Variants in FCRL3 observed in about 807,000 individuals in gnomAD.
FCRL3 encodes the protein Fc receptor like 3, also known as Fc receptor-like protein 3.
A neutral mutation model predicts 75.0 loss-of-function variants in FCRL3; 89 were observed. That is an observed-to-expected ratio of 1.19 (90% confidence interval 1.00 to 1.42). FCRL3 has a LOEUF of 1.42. FCRL3 is among the 40% of genes most tolerant of loss of function. The pLI is 0.00. For missense variants in FCRL3, 946 were observed against 880.0 expected, an observed-to-expected ratio of 1.07 and a Z score of -0.95; for synonymous variants, 376 against 348.5, an observed-to-expected ratio of 1.08 and a Z score of -0.88.
intron 3 of FCRL3, among the ~76,000 whole-genome samples, chr1:157,698,840 T>C (rs1226093967): frequency 6.6e-6 from 1 of 152,204 alleles, no homozygotes; most frequent in Non-Finnish European, 1.5e-5. Flanking sequence ...AAGGGTATTA[T>C]AGGGGAGAGG....
In FCRL3 at chr1:157,676,774, A is replaced by G. The variant is rs760020746; in HGVS notation, c.*1936T>C. On this transcript the variant is annotated 3_prime_UTR_variant, in exon 15 of 15. Transcript: ENST00000368184. The stretch of plus-strand genomic sequence containing the variant: ...TTCTTTCTTGGGTTCAGAATCTAGA[A>G]AATGGATAAACAATGATAAGAGATG... 5.8e-6 allele frequency: 9 copies of G among 1,550,364 alleles called. No homozygotes were observed. The highest frequency in any genetic ancestry group is 7.8e-6 in the Non-Finnish European group (9 of 1,146,852).
In FCRL3 at chr1:157,689,910, G is replaced by A. The variant is rs1483747179; in HGVS notation, c.1698C>T (p.Ser566=). The change falls in exon 10 of 15, where the codon TCC becomes TCT. Residue 566 remains serine (S), a synonymous_variant. Coordinates refer to ENST00000368184, the MANE Select transcript of FCRL3 (RefSeq NM_052939.4). ...CAGCGGTAAGGCCTGTTCTGTTCCT[G>A]GAAGTTCCTGAGTGGAGGGAGCTGT... is the stretch of plus-strand genomic sequence containing the variant. ...KVVTLNVTGT[S]RNRTGLTAAG... The A allele has an allele frequency of 6.2e-7, 1 of 1,614,006 alleles. No individual in the cohort carries two copies. Among genetic ancestry groups the A allele is most frequent in the Admixed American group, 1.7e-5 (1 of 60,004 alleles).
At chr1:157,683,130 A>G in intron 11 of FCRL3, 87 bp downstream of exon 11, 1 of 1,449,278 alleles carries the variant, frequency 6.9e-7, no homozygotes, top group Non-Finnish European at 9.4e-7. Context: ...TAGGAAATCC[A>G]TTGAAATTTA....
chr1:157,680,725 A>G lies in FCRL3; in HGVS notation c.2003T>C (p.Ile668Thr), dbSNP rs762267572. The change falls in exon 13 of 15, where the codon ATC becomes ACC. Residue 668 changes from isoleucine to threonine, a missense_variant. Transcript: ENST00000368184. ...ACCTGAGTTTTCTTTTGTATGCTGG[A>G]TGCTCCAGATCTGGGAATAAATCGG... ...SNPIYSQIWSIQHTKENSANC... is the reference protein window; with the variant it reads ...SNPIYSQIWSTQHTKENSANC... The G allele has an allele frequency of 1.2e-6, 2 of 1,614,072 alleles. No homozygotes were observed. The highest frequency in any genetic ancestry group is 1.7e-6 in the Non-Finnish European group (2 of 1,179,958).
chr1:157,698,004 A>G, intron 4 of FCRL3, 85 bp from the exon 5 acceptor site: 1 of 1,462,742 alleles, frequency 6.8e-7, no homozygotes, highest in Non-Finnish European at 9.1e-7. Flanking sequence ...CAAGAGCCAC[A>G]GTTCTATACA....
In FCRL3 at chr1:157,678,977, T is replaced by C. The variant is rs1654641003; in HGVS notation, c.2027-4A>G. ...TGATGCATCATTGGACAATTAGCTGTTGGGTAGGAGTAGCAAAGAAAAGTA... is the reference window on the plus strand; with the variant it reads ...TGATGCATCATTGGACAATTAGCTGCTGGGTAGGAGTAGCAAAGAAAAGTA... On this transcript the variant is annotated splice_polypyrimidine_tract_variant and splice_region_variant and intron_variant, in intron 13 of 14. Transcript: ENST00000368184. 1 of 1,614,032 alleles carries C rather than the reference T, an allele frequency of 6.2e-7. No homozygotes were observed.
At chr1:157,681,496 G>C (rs1431100138) in intron 11 of FCRL3, among the ~76,000 whole-genome samples, 1 of 147,752 alleles carries the variant, frequency 6.8e-6, no homozygotes, top group Non-Finnish European at 1.5e-5. Context: ...TGCGGTGTTT[G>C]GTTTTTTGTT....
intron 13 of FCRL3, chr1:157,679,220 G>A (rs1419802971): frequency 1.8e-5 from 10 of 564,748 alleles, no homozygotes; most frequent in Non-Finnish European, 2.8e-5. Flanking sequence ...ACTGCCCCAA[G>A]CACAAACACT....
At position 157,678,241 on chromosome 1, in the gene FCRL3, A is replaced by G. The variant is rs564460386; in HGVS notation, c.*469T>C. ...CTATAACTTCTTTTGGCTGTTCCCA[A>G]TATGGTAGCAAGGATACAGCATATA... On this transcript the variant is annotated 3_prime_UTR_variant, in exon 15 of 15. Coordinates refer to ENST00000368184, the MANE Select transcript of FCRL3 (RefSeq NM_052939.4). The G allele has an allele frequency of 7.1e-6, 7 of 988,808 alleles. No homozygotes were observed. In the East Asian group the frequency reaches 5.6e-4, roughly 79 times the overall value. The allele number at this position is 988,808 out of a possible 1,614,324, so 61.3% of individuals were successfully genotyped here.
chr1:157,679,101 G>T, intron 13 of FCRL3, 128 bp from the exon 14 acceptor site: 1 of 1,066,030 alleles, frequency 9.4e-7, no homozygotes, highest in Non-Finnish European at 1.4e-6. Context: ...TCCTCTGCTG[G>T]ATTCTTCCAA....
rs879258382 is a variant in FCRL3 at position 157,679,828 on chromosome 1, C to CAAAAAAAAAAAAAAAAAA, written c.2027-856_2027-855insTTTTTTTTTTTTTTTTTT. Among the ~76,000 whole-genome samples, 41 of 27,918 alleles carry CAAAAAAAAAAAAAAAAAA rather than the reference C, an allele frequency of 1.5e-3. 11 individuals carry two copies. The highest frequency in any genetic ancestry group is 4.6e-3 in the East Asian group (3 of 658). The allele number at this position is 27,918 out of a possible 152,430, so 18.3% of individuals were successfully genotyped here. On this transcript the variant is annotated intron_variant, in intron 13 of 14. Coordinates refer to ENST00000368184, the MANE Select transcript of FCRL3 (RefSeq NM_052939.4). ...TGGGCGACAGAACGAGACCCCATCT[C>CAAAAAAAAAAAAAAAAAA]ACAAAAAAAAAAAAAAAAAAAAAAA...
chr1:157,682,834 A>G (rs1007728983), intron 11 of FCRL3, among the ~76,000 whole-genome samples: 5 of 152,190 alleles, frequency 3.3e-5, no homozygotes, highest in Non-Finnish European at 5.9e-5. Flanking sequence ...TGCAGTTAAT[A>G]TTGTGAATTG....
In FCRL3 at chr1:157,677,213, C is replaced by T; in HGVS notation, c.*1497G>A. Reference sequence around the variant, plus strand: ...CTGGTCGTAATGGAGGACAAAAGTGCCTTCTGGTGAAACTCAGCTTCCATA... The same window carrying T: ...CTGGTCGTAATGGAGGACAAAAGTGTCTTCTGGTGAAACTCAGCTTCCATA... On this transcript the variant is annotated 3_prime_UTR_variant, in exon 15 of 15. Coordinates refer to ENST00000368184, the MANE Select transcript of FCRL3 (RefSeq NM_052939.4). 1 of 1,005,556 alleles carries T rather than the reference C, an allele frequency of 9.9e-7. No individual in the cohort carries two copies. Among genetic ancestry groups the T allele is most frequent in the Non-Finnish European group, 1.2e-6 (1 of 841,004 alleles). The allele number at this position is 1,005,556 out of a possible 1,614,324, so 62.3% of individuals were successfully genotyped here. A position where few individuals can be genotyped will look rare whatever the true frequency, so the allele number is the denominator to read the frequency against.
At chr1:157,688,658 G>A (rs1655324329) in intron 10 of FCRL3, among the ~76,000 whole-genome samples, 1 of 149,736 alleles carries the variant, frequency 6.7e-6, no homozygotes, top group African/African-American at 2.4e-5. Context: ...ATTGATACCA[G>A]GTGAAAATAT....
chr1:157,691,398 G>C (rs969619288), intron 8 of FCRL3, among the ~76,000 whole-genome samples: 3 of 152,158 alleles, frequency 2.0e-5, no homozygotes, highest in Non-Finnish European at 4.4e-5. Context: ...TATTGGCAAG[G>C]GTAACTTGAT....
At chr1:157,700,005 C>T (rs748491509) in intron 2 of FCRL3, among the ~76,000 whole-genome samples, 7 of 152,178 alleles carry the variant, frequency 4.6e-5, no homozygotes, top group Non-Finnish European at 1.0e-4. Context: ...GGTTTATCCT[C>T]CTTTCGTTCC....
intron 8 of FCRL3, among the ~76,000 whole-genome samples, chr1:157,693,883 G>A (rs144508630): frequency 6.6e-6 from 1 of 152,184 alleles, no homozygotes; most frequent in African/African-American, 2.4e-5. Context: ...AAGTATCTGA[G>A]AGTACAGGCG....
At position 157,700,449 on chromosome 1, in the gene FCRL3, A is replaced by G. The variant is rs1350030019; in HGVS notation, c.31+10T>C. ...TGAGGCCGTGGCCCCATTATAGCCCATCTACTCACTCAGGATCAGCAGCAG... is the reference window on the plus strand; with the variant it reads ...TGAGGCCGTGGCCCCATTATAGCCCGTCTACTCACTCAGGATCAGCAGCAG... On this transcript the variant is annotated intron_variant, in intron 2 of 14. Coordinates refer to ENST00000368184, the MANE Select transcript of FCRL3 (RefSeq NM_052939.4). 4 of 1,613,954 alleles carry G rather than the reference A, an allele frequency of 2.5e-6. No homozygotes were observed. Among genetic ancestry groups the G allele is most frequent in the South Asian group, 1.1e-5 (1 of 91,066 alleles).
intron 5 of FCRL3, 39 bp from the exon 6 acceptor site, chr1:157,697,463 G>T: frequency 6.6e-7 from 1 of 1,522,344 alleles, no homozygotes; most frequent in Non-Finnish European, 8.8e-7. Flanking sequence ...GGGTGGTGAG[G>T]CTCAGAGTTC....
Sources: allele counts gnomAD v4.1 joint callset (sites outside exome capture counted in the v4.1 genomes callset), GRCh38; gene constraint gnomAD v4.1.1; transcripts MANE v1.5; gene names NCBI Gene and HGNC (gene_info 2026-07-23, HGNC 2026-07-21).